Variants in FAM117A observed in about 807,000 individuals in gnomAD.
FAM117A encodes the protein protein FAM117A.
Under a neutral mutation model 44.1 loss-of-function variants are expected in FAM117A, and 21 were observed. The ratio of observed to expected loss-of-function variants is 0.48; its 90% CI spans 0.34 to 0.69. The LOEUF (loss-of-function observed/expected upper bound fraction) is 0.69. FAM117A is among the 30% of genes least tolerant of loss of function. The probability of loss-of-function intolerance (pLI) is 0.01; values close to 1 mark genes in which losing one functional copy is unlikely to be tolerated. For missense variants in FAM117A, 498 were observed against 589.9 expected, an observed-to-expected ratio of 0.84 and a Z score of 1.61; for synonymous variants, 220 against 238.3, an observed-to-expected ratio of 0.92 and a Z score of 0.71.
intron 3 of FAM117A, 24 bp from the exon 4 acceptor site, chr17:49,720,460 CAG>C: frequency 1.2e-6 from 2 of 1,602,552 alleles, no homozygotes. Context: ...GAGAAGACGA[CAG>C]AGGCAGATTA....
intron 1 of FAM117A, among the ~76,000 whole-genome samples, chr17:49,743,967 GAGGAAGGT>G (rs953737998): frequency 6.6e-6 from 1 of 151,954 alleles, no homozygotes; most frequent in African/African-American, 2.4e-5. Context: ...CTTTTCCAGT[GAGGAAGGT>G]AGAAAGCAAG....
chr17:49,720,274 G>C, intron 4 of FAM117A, 52 bp downstream of exon 4: 1 of 1,414,292 alleles, frequency 7.1e-7, no homozygotes, highest in Non-Finnish European at 9.9e-7. Context: ...CCCATATAGG[G>C]GGGCCTGCAT....
rs964132705 is a variant in FAM117A, at chr17:49,719,889, G to A, written c.579C>T (p.Ser193=). ...GGGACCCTGAGGGGAAGCTGGGAGG[G>A]GACGCCTGAGGAAGAGGCAAATGAC... The part of the protein sequence containing the change: ...DHAVRGALRA[S]PPSFPSGSPV... The change falls in exon 5 of 8, where the codon TCC becomes TCT. Residue 193 remains serine, a synonymous_variant. Coordinates refer to ENST00000240364, the MANE Select transcript of FAM117A (RefSeq NM_030802.4). The A allele has an allele frequency of 1.2e-6, 2 of 1,600,830 alleles. No individual in the cohort carries two copies. The highest frequency in any genetic ancestry group is 2.3e-5 in the East Asian group (1 of 44,130).
intron 1 of FAM117A, among the ~76,000 whole-genome samples, chr17:49,748,091 C>T (rs2073660679): frequency 6.6e-6 from 1 of 152,114 alleles, no homozygotes; most frequent in South Asian, 2.1e-4. Context: ...GGTGGCAACA[C>T]CACTGGAAGG....
At chr17:49,775,177 G>A (rs550890461) in intron 1 of FAM117A, among the ~76,000 whole-genome samples, 2 of 152,250 alleles carry the variant, frequency 1.3e-5, no homozygotes, top group Middle Eastern at 3.4e-3. Context: ...TAGTAGAGAC[G>A]GGGTTTTGCC....
At chr17:49,741,738 C>G (rs1042022135) in intron 1 of FAM117A, among the ~76,000 whole-genome samples, 6 of 152,184 alleles carry the variant, frequency 3.9e-5, no homozygotes, top group African/African-American at 1.4e-4. Flanking sequence ...GCAGTAAGCA[C>G]GGGAAGTTCC....
chr17:49,719,746 C>T lies in FAM117A; in HGVS notation c.708+14G>A, dbSNP rs749175258. The T allele has an allele frequency of 1.9e-6, 3 of 1,552,864 alleles. No individual in the cohort carries two copies. Among genetic ancestry groups the T allele is most frequent in the Non-Finnish European group, 2.6e-6 (3 of 1,153,240 alleles). On this transcript the variant is annotated intron_variant, in intron 5 of 7. Coordinates refer to ENST00000240364, the MANE Select transcript of FAM117A (RefSeq NM_030802.4). ...ACGGACTGTGGGTGCACTCAGGGTG[C>T]AGCCGCCACTCACCCTCAGCAGCTC...
chr17:49,733,533 C>T (rs374119850), intron 1 of FAM117A, among the ~76,000 whole-genome samples: 4 of 151,790 alleles, frequency 2.6e-5, no homozygotes, highest in South Asian at 2.1e-4. Flanking sequence ...ATTAGCCGGG[C>T]GTGGTGGAGG....
upstream of FAM117A, chr17:49,789,076 G>C (rs973232100): frequency 4.9e-6 from 2 of 407,432 alleles, no homozygotes; most frequent in Non-Finnish European, 8.9e-6. Context: ...GATCGGAGGC[G>C]TTCTTATTAA....
chr17:49,777,948 T>C (rs2073779517), intron 1 of FAM117A, among the ~76,000 whole-genome samples: 1 of 152,218 alleles, frequency 6.6e-6, no homozygotes, highest in Non-Finnish European at 1.5e-5. Flanking sequence ...GGCACTGGGA[T>C]AGGGTGAGAC....
chr17:49,738,687 A>AC (rs767436423), intron 1 of FAM117A, among the ~76,000 whole-genome samples: 8 of 152,118 alleles, frequency 5.3e-5, no homozygotes, highest in Non-Finnish European at 1.2e-4. Context: ...CTGTCTCAGA[A>AC]CCCTTAGCAA....
At chr17:49,715,614 C>T (rs1161275549) in intron 7 of FAM117A, among the ~76,000 whole-genome samples, 2 of 152,140 alleles carry the variant, frequency 1.3e-5, no homozygotes, top group African/African-American at 2.4e-5. Flanking sequence ...TTCCATAGTC[C>T]TTACTTGCAA....
chr17:49,738,860 T>G (rs1330690359), intron 1 of FAM117A, among the ~76,000 whole-genome samples: 1 of 152,180 alleles, frequency 6.6e-6, no homozygotes, highest in Non-Finnish European at 1.5e-5. Flanking sequence ...TTCACAAACC[T>G]CATCGCAAGT....
chr17:49,719,962 CA>C, intron 4 of FAM117A, 68 bp from the exon 5 acceptor site: 1 of 1,543,002 alleles, frequency 6.5e-7, no homozygotes, highest in Admixed American at 2.3e-5. Context: ...TCATTCTGAC[CA>C]GGGGTAATGG....
At chr17:49,712,393 CT>C (rs1567824509) in intron 7 of FAM117A, among the ~76,000 whole-genome samples, 1 of 152,194 alleles carries the variant, frequency 6.6e-6, no homozygotes, top group Non-Finnish European at 1.5e-5. Context: ...GACTCCTCCC[CT>C]CTAGTTGTGA....
intron 1 of FAM117A, among the ~76,000 whole-genome samples, chr17:49,777,913 A>T (rs77378264): frequency 0.011 from 1,698 of 152,294 alleles, 15 homozygotes; most frequent in Non-Finnish European, 0.015. Context: ...CCAAGAGTGG[A>T]GGGCACTGAA....
Position 49,722,490 on chromosome 17 carries a change from G to A in FAM117A, c.462+9C>T, listed in dbSNP as rs1391874284. Reference sequence around the variant, plus strand: ...CTACCCTAGGCAGGGAGTCAAAGTGGGTAGCTACCTCTTTTCGGTGGTCTG... The same window carrying A: ...CTACCCTAGGCAGGGAGTCAAAGTGAGTAGCTACCTCTTTTCGGTGGTCTG... On this transcript the variant is annotated intron_variant, in intron 3 of 7. Transcript: ENST00000240364. 1 of 1,612,516 alleles carries A rather than the reference G, an allele frequency of 6.2e-7. No individual in the cohort carries two copies. Among genetic ancestry groups the A allele is most frequent in the Non-Finnish European group, 8.5e-7 (1 of 1,179,158 alleles).
At chr17:49,770,131 G>A (rs2143795323) in intron 1 of FAM117A, among the ~76,000 whole-genome samples, 1 of 152,086 alleles carries the variant, frequency 6.6e-6, no homozygotes, top group Non-Finnish European at 1.5e-5. Flanking sequence ...TTAGCCAGGT[G>A]TGGTGGTACG....
At chr17:49,756,299 G>A (rs547923926) in intron 1 of FAM117A, among the ~76,000 whole-genome samples, 1 of 152,124 alleles carries the variant, frequency 6.6e-6, no homozygotes, top group East Asian at 1.9e-4. Flanking sequence ...TTATGGATGT[G>A]TTAGCAATCT....
Sources: gnomAD v4.1 joint callset for allele counts (sites outside exome capture counted in the v4.1 genomes callset) on GRCh38, gnomAD v4.1.1 for gene constraint, MANE v1.5 for transcripts, NCBI Gene and HGNC (gene_info 2026-07-23, HGNC 2026-07-21) for gene names.